The following PIEZO2 variants were observed in gnomAD, a reference collection of about 807,000 sequenced individuals.
PIEZO2 encodes the protein piezo-type mechanosensitive ion channel component 2.
Under a neutral mutation model 337.3 loss-of-function variants are expected in PIEZO2, and 172 were observed. The ratio of observed to expected loss-of-function variants is 0.51; its 90% CI spans 0.45 to 0.58. The LOEUF (loss-of-function observed/expected upper bound fraction) is 0.58. Among genes scored for constraint, PIEZO2 ranks in the 20% least tolerant of loss-of-function variants. The pLI, the probability that PIEZO2 is intolerant of heterozygous loss-of-function variation, is 0.00. For missense variants in PIEZO2, 3,028 were observed against 3,391.3 expected, an observed-to-expected ratio of 0.89 and a Z score of 2.66; for synonymous variants, 1,251 against 1,228.5, an observed-to-expected ratio of 1.02 and a Z score of -0.38.
At chr18:10,967,429 T>C (rs1455249206) in intron 3 of PIEZO2, among the ~76,000 whole-genome samples, 1 of 152,218 alleles carries the variant, frequency 6.6e-6, no homozygotes, top group Non-Finnish European at 1.5e-5. Flanking sequence ...AAGCATTTTT[T>C]TCATATAATG....
chr18:10,999,121 C>T (rs528986305), intron 2 of PIEZO2, among the ~76,000 whole-genome samples: 4 of 150,232 alleles, frequency 2.7e-5, no homozygotes, highest in Admixed American at 6.6e-5. Context: ...AAACAATCCA[C>T]GCCAAAAAAT....
At chr18:10,704,775 C>G (rs1249548097) in intron 41 of PIEZO2, 123 bp from the exon 42 acceptor site, 1 of 1,189,062 alleles carries the variant, frequency 8.4e-7, no homozygotes, top group Non-Finnish European at 1.2e-6. Flanking sequence ...ACCTCCGCCT[C>G]CCGAACTCAA....
chr18:11,057,285 T>C (rs1469465095), intron 2 of PIEZO2, among the ~76,000 whole-genome samples: 3 of 152,314 alleles, frequency 2.0e-5, no homozygotes, highest in African/African-American at 4.8e-5. Context: ...CAGTAACCAA[T>C]CCTTTCTGTT....
rs914493094 is a variant in PIEZO2, at chr18:10,671,643, A to T, written c.8482T>A (p.Phe2828Ile). The T allele has an allele frequency of 1.9e-6, 3 of 1,613,966 alleles. No homozygotes were observed. Among genetic ancestry groups the T allele is most frequent in the Non-Finnish European group, 2.5e-6 (3 of 1,180,004 alleles). Residue 2828 changes from phenylalanine to isoleucine, a missense_variant, in exon 56 of 56, where the codon TTT (phenylalanine) becomes ATT (isoleucine). Physicochemically the swap from Phe to Ile is conservative, Grantham distance 21. Around this residue, in one of 5 missense-constraint regions of PIEZO2, gnomAD observed 332 missense variants for 363.8 expected, o/e 0.91. Coordinates refer to ENST00000674853, the MANE Select transcript of PIEZO2 (RefSeq NM_001378183.1). ...AGTTCTCCTGTCTCTCGAACTAAAA[A>T]AATATCTGTGCACAACTTCAAAATT... ...DRILKLCTDIFLVRETGELEL... is the reference protein window; with the variant it reads ...DRILKLCTDIILVRETGELEL...
At chr18:10,805,232 T>C (rs1272023864) in intron 8 of PIEZO2, among the ~76,000 whole-genome samples, 2 of 152,234 alleles carry the variant, frequency 1.3e-5, no homozygotes, top group African/African-American at 2.4e-5. Context: ...TCAGAAATAG[T>C]TCCCATCGTG....
intron 3 of PIEZO2, among the ~76,000 whole-genome samples, chr18:10,965,082 T>A (rs182661655): frequency 8.5e-5 from 13 of 152,344 alleles, no homozygotes; most frequent in Middle Eastern, 3.4e-3. Context: ...GCTCTGAACA[T>A]TTGTGAACAG....
rs550205036 is a variant in PIEZO2 at position 11,075,850 on chromosome 18, G to A, written c.65-9628C>T. On this transcript the variant is annotated intron_variant, in intron 1 of 55. Coordinates refer to ENST00000674853, the MANE Select transcript of PIEZO2 (RefSeq NM_001378183.1). Reference sequence around the variant, plus strand: ...GTCACCCAGGCTGGAGTGCAGTGGCGCGATCTCCGCTCACTGCAAGCTCTG... The same window carrying A: ...GTCACCCAGGCTGGAGTGCAGTGGCACGATCTCCGCTCACTGCAAGCTCTG... Among the ~76,000 whole-genome samples the A allele has an allele frequency of 1.2e-4, 18 of 148,048 alleles. No homozygotes were observed. The South Asian group carries it at 3.2e-3, about 26-fold the overall frequency.
At chr18:10,777,994 A>G (rs1455890946) in intron 18 of PIEZO2, among the ~76,000 whole-genome samples, 2 of 152,194 alleles carry the variant, frequency 1.3e-5, no homozygotes, top group African/African-American at 4.8e-5. Context: ...TATTTTTAAA[A>G]TGTTATCAAA....
intron 1 of PIEZO2, among the ~76,000 whole-genome samples, chr18:11,075,467 T>C (rs2038496346): frequency 6.6e-6 from 1 of 152,224 alleles, no homozygotes; most frequent in South Asian, 2.1e-4. Context: ...CTCTGTGTTT[T>C]ACATCGGTTG....
chr18:11,034,554 A>G (rs910277629), intron 2 of PIEZO2, among the ~76,000 whole-genome samples: 4 of 152,110 alleles, frequency 2.6e-5, no homozygotes, highest in Non-Finnish European at 5.9e-5. Context: ...CGGCCTCCCA[A>G]AGTGCTGGGA....
chr18:10,998,601 C>T (rs1188163703), intron 2 of PIEZO2, among the ~76,000 whole-genome samples: 6 of 152,002 alleles, frequency 3.9e-5, no homozygotes, highest in Admixed American at 2.6e-4. Flanking sequence ...ATAACTCATG[C>T]TAACTCCAAA....
chr18:10,976,291 T>A (rs1724017098), intron 3 of PIEZO2, among the ~76,000 whole-genome samples: 1 of 152,156 alleles, frequency 6.6e-6, no homozygotes, highest in South Asian at 2.1e-4. Context: ...ATGCTACACA[T>A]AAAACTAAAC....
intron 2 of PIEZO2, among the ~76,000 whole-genome samples, chr18:11,020,364 T>C (rs772887105): frequency 8.5e-5 from 13 of 152,194 alleles, no homozygotes; most frequent in African/African-American, 1.4e-4. Flanking sequence ...CTTCCTGCAA[T>C]AACTTTTCTG....
At chr18:10,950,073 G>A (rs1393462638) in intron 3 of PIEZO2, among the ~76,000 whole-genome samples, 1 of 152,116 alleles carries the variant, frequency 6.6e-6, no homozygotes, top group Non-Finnish European at 1.5e-5. Flanking sequence ...TGTTGAACTC[G>A]ATTTACATTT....
At chr18:11,065,322 C>G (rs190380117) in intron 2 of PIEZO2, among the ~76,000 whole-genome samples, 3 of 152,218 alleles carry the variant, frequency 2.0e-5, no homozygotes, top group Non-Finnish European at 4.4e-5. Context: ...TTCATGTAAA[C>G]ATACGGCCAT....
At chr18:10,797,046 TA>T (rs1454958781) in intron 12 of PIEZO2, among the ~76,000 whole-genome samples, 1 of 151,740 alleles carries the variant, frequency 6.6e-6, no homozygotes, top group Non-Finnish European at 1.5e-5. Context: ...CATACCATCA[TA>T]TATGTACTAT....
At chr18:11,072,731 C>T (rs1265257657) in intron 1 of PIEZO2, among the ~76,000 whole-genome samples, 3 of 152,174 alleles carry the variant, frequency 2.0e-5, no homozygotes, top group East Asian at 3.9e-4. Context: ...CCACTGCAGT[C>T]GGGATCCTGA....
At chr18:11,005,428 G>T (rs2035683648) in intron 2 of PIEZO2, among the ~76,000 whole-genome samples, 1 of 152,170 alleles carries the variant, frequency 6.6e-6, no homozygotes, top group Admixed American at 6.5e-5. Context: ...CATGTATTGA[G>T]TATCAGGCAT....
Position 10,770,819 on chromosome 18 carries a change from T to TGCAA in PIEZO2, c.2786-515_2786-512dup, listed in dbSNP as rs987478303. On this transcript the variant is annotated intron_variant, in intron 20 of 55. Transcript: ENST00000674853. Reference sequence around the variant, plus strand: ...GTGCAGTGGCACAATCTCGGCTCACTGCAACCTCTGCCTCTTGAGTTCAAG... The same window carrying TGCAA: ...GTGCAGTGGCACAATCTCGGCTCACTGCAAGCAACCTCTGCCTCTTGAGTTCAAG... Among the ~76,000 whole-genome samples the TGCAA allele has an allele frequency of 5.0e-5, 7 of 139,724 alleles. 1 individual carries two copies. The highest frequency in any genetic ancestry group is 1.3e-4 in the African/African-American group (5 of 37,490). 91.7% of individuals were successfully genotyped at this position (139,724 alleles called of 152,430 possible). A position where few individuals can be genotyped will look rare whatever the true frequency, so the allele number is the denominator to read the frequency against.
Sources: allele counts gnomAD v4.1 joint callset (sites outside exome capture counted in the v4.1 genomes callset), GRCh38; gene constraint gnomAD v4.1.1; regional missense constraint gnomAD v4.1.1; transcripts MANE v1.5; gene names NCBI Gene and HGNC (gene_info 2026-07-23, HGNC 2026-07-21).